The following CFAP47 variants were observed in gnomAD, a reference collection of about 807,000 sequenced individuals.
CFAP47 encodes cilia and flagella associated protein 47, also known as cilia- and flagella-associated protein 47.
Under a neutral mutation model 148.1 loss-of-function variants are expected in CFAP47, and 29 were observed. The observed-to-expected ratio is 0.20, with a 90% confidence interval of 0.15 to 0.27. The LOEUF is 0.27. CFAP47 is among the 10% of genes least tolerant of loss of function. The pLI is 1.00. For synonymous variants in CFAP47, 664 were observed against 577.3 expected (o/e 1.15, Z -2.15); for missense variants, 1,872 against 1,697.5 (o/e 1.10, Z -1.81).
Position 35,928,687 on chromosome X carries a change from T to G in CFAP47, c.401+2519T>G, listed in dbSNP as rs1327132304. ...TTCAATGATGTCCAATTTATCAATT[T>G]TCCTTTAATTAGTACTGCTTTTAGT... is the stretch of plus-strand genomic sequence containing the variant. On this transcript the variant is annotated intron_variant, in intron 2 of 63. Coordinates refer to ENST00000378653, the MANE Select transcript of CFAP47 (RefSeq NM_001304548.2). Among the ~76,000 whole-genome samples the G allele has an allele frequency of 4.5e-5, 5 of 111,379 alleles. No homozygotes were observed. In the Admixed American group the frequency reaches 4.8e-4, roughly 11 times the overall value.
At position 36,306,856 on chromosome X, in the gene CFAP47, A is replaced by T; in HGVS notation, c.8167A>T (p.Ile2723Phe). The T allele has an allele frequency of 1.8e-6, 2 of 1,139,452 alleles. No individual in the cohort carries two copies. Among genetic ancestry groups the T allele is most frequent in the Non-Finnish European group, 2.4e-6 (2 of 849,551 alleles). 93.9% of individuals were successfully genotyped at this position (1,139,452 alleles called of 1,213,427 possible). A position where few individuals can be genotyped will look rare whatever the true frequency, so the allele number is the denominator to read the frequency against. ...TGGAAGAGCTGATCATCAAGCTTGC[A>T]TCAACTTCTACTGTACTCAGGTATG... ...ALGRADHQAC[I>F]NFYCTQFTEW... The change falls in exon 55 of 64, where the codon ATC becomes TTC. Residue 2723 changes from isoleucine (I) to phenylalanine (F), a missense_variant. Coordinates refer to ENST00000378653, the MANE Select transcript of CFAP47 (RefSeq NM_001304548.2).
intron 56 of CFAP47, among the ~76,000 whole-genome samples, chrX:36,312,766 C>T (rs782436956): frequency 2.7e-5 from 3 of 111,712 alleles, no homozygotes; most frequent in African/African-American, 9.7e-5. Context: ...CAGTCTTTTG[C>T]AGTTCAAAAC....
intron 15 of CFAP47, among the ~76,000 whole-genome samples, chrX:35,980,606 T>A (rs945084598): frequency 1.8e-4 from 20 of 111,824 alleles, no homozygotes; most frequent in African/African-American, 4.9e-4. Flanking sequence ...TAATTTATTT[T>A]TTTTTACCCT....
rs144007533 is a variant in CFAP47 at position 36,373,801 on chromosome X, A to G, written c.9186-5549A>G. ...ATGAAATGATGTTAAACTTTACCAA[A>G]TGCTTATTCAGCATCCGTTGGGATG... On this transcript the variant is annotated intron_variant, in intron 62 of 63. Transcript: ENST00000378653. Among the ~76,000 whole-genome samples the G allele has an allele frequency of 1.8e-3, 204 of 112,122 alleles. 1 individual carries two copies. Among genetic ancestry groups the G allele is most frequent in the Non-Finnish European group, 3.1e-3 (167 of 53,120 alleles).
At chrX:36,264,138 C>A (rs1372970322) in intron 49 of CFAP47, among the ~76,000 whole-genome samples, 1 of 111,543 alleles carries the variant, frequency 9.0e-6, no homozygotes, top group Non-Finnish European at 1.9e-5. Flanking sequence ...ATCCAAAATG[C>A]AAGACAAAGT....
At chrX:35,924,828 A>G (rs1473618052) in intron 1 of CFAP47, among the ~76,000 whole-genome samples, 1 of 111,439 alleles carries the variant, frequency 9.0e-6, no homozygotes, top group East Asian at 2.8e-4. Flanking sequence ...TTAGAATCAG[A>G]TAGGTAAAAA....
At chrX:36,131,844 A>G (rs1938953319) in intron 33 of CFAP47, among the ~76,000 whole-genome samples, 1 of 111,212 alleles carries the variant, frequency 9.0e-6, no homozygotes, top group African/African-American at 3.3e-5. Flanking sequence ...TGTCCATGGT[A>G]TGAGGGAAGA....
chrX:36,361,418 T>C lies in CFAP47; in HGVS notation c.8940T>C (p.Tyr2980=). ...AGTTGGAATCCTGTGTAGCTTTATA[T>C]ATGATTGAAAAATCTTATGATATTA... ...KSKLESCVAL[Y]MIEKSYDIMA... The change falls in exon 61 of 64, where the codon TAT becomes TAC. Residue 2980 remains tyrosine, a synonymous_variant. Transcript: ENST00000378653. 9.1e-7 allele frequency: 1 copy of C among 1,097,598 alleles called. No homozygotes were observed. Among genetic ancestry groups the C allele is most frequent in the African/African-American group, 1.8e-5 (1 of 55,075 alleles). The allele number at this position is 1,097,598 out of a possible 1,213,427, so 90.5% of individuals were successfully genotyped here. A position where few individuals can be genotyped will look rare whatever the true frequency, so the allele number is the denominator to read the frequency against.
intron 32 of CFAP47, among the ~76,000 whole-genome samples, chrX:36,102,760 A>G (rs1461369877): frequency 8.9e-6 from 1 of 111,810 alleles, no homozygotes; most frequent in Non-Finnish European, 1.9e-5. Flanking sequence ...ATAAACAGAA[A>G]TTGATGGGGG....
intron 22 of CFAP47, among the ~76,000 whole-genome samples, chrX:36,016,304 C>A (rs769082486): frequency 1.8e-5 from 2 of 110,307 alleles, no homozygotes; most frequent in South Asian, 7.8e-4. Flanking sequence ...CCTCATCCAC[C>A]TACTACCCTT....
At chrX:36,035,626 A>C in intron 23 of CFAP47, 69 bp from the exon 24 acceptor site, 1 of 288,140 alleles carries the variant, frequency 3.5e-6, no homozygotes, top group Non-Finnish European at 6.1e-6. Flanking sequence ...TTGAGATGGT[A>C]ATACAACTAA....
At chrX:35,986,170 A>G (rs1235496099) in intron 15 of CFAP47, among the ~76,000 whole-genome samples, 1 of 110,534 alleles carries the variant, frequency 9.0e-6, no homozygotes, top group Non-Finnish European at 1.9e-5. Flanking sequence ...AGGTTGGGGA[A>G]GTTCTCTTGG....
At chrX:36,159,202 T>A (rs1485451282) in intron 37 of CFAP47, among the ~76,000 whole-genome samples, 1 of 111,628 alleles carries the variant, frequency 9.0e-6, no homozygotes, top group Non-Finnish European at 1.9e-5. Flanking sequence ...GAAAATCCTT[T>A]ATTTGAGAGA....
intron 40 of CFAP47, among the ~76,000 whole-genome samples, chrX:36,180,601 G>C (rs1939739386): frequency 8.9e-6 from 1 of 111,990 alleles, no homozygotes; most frequent in African/African-American, 3.2e-5. Flanking sequence ...ATTAAAATGA[G>C]TATAGTTTTT....
Position 35,953,610 on chromosome X carries a change from A to G in CFAP47, c.1065A>G (p.Lys355=). Reference sequence around the variant, plus strand: ...TTTACAGGCTAATGGCTGTTGGTAAAAAGGATATTGGACCTTCATACAGAC... The same window carrying G: ...TTTACAGGCTAATGGCTGTTGGTAAGAAGGATATTGGACCTTCATACAGAC... ...CFTPKLMAVG[K]KDIGPSYRQD... Residue 355 remains lysine, a synonymous_variant, in exon 7 of 64, where the codon AAA becomes AAG. Coordinates refer to ENST00000378653, the MANE Select transcript of CFAP47 (RefSeq NM_001304548.2). 3 of 1,190,281 alleles carry G rather than the reference A, an allele frequency of 2.5e-6. No individual in the cohort carries two copies. The highest frequency in any genetic ancestry group is 3.4e-6 in the Non-Finnish European group (3 of 884,000).
At chrX:36,233,975 C>T (rs781866905) in intron 46 of CFAP47, among the ~76,000 whole-genome samples, 7 of 111,267 alleles carry the variant, frequency 6.3e-5, no homozygotes, top group Admixed American at 9.5e-5. Flanking sequence ...GAGTTTCTAC[C>T]GAGAGATCCA....
chrX:36,102,822 G>A (rs752107820), intron 32 of CFAP47, among the ~76,000 whole-genome samples: 2 of 112,008 alleles, frequency 1.8e-5, no homozygotes, highest in East Asian at 5.7e-4. Context: ...GATTTGAAAT[G>A]TAGGACTTCT....
intron 2 of CFAP47, among the ~76,000 whole-genome samples, chrX:35,928,771 AT>A (rs1377106521): frequency 9.0e-6 from 1 of 111,254 alleles, no homozygotes; most frequent in East Asian, 2.8e-4. Context: ...ATTTTCTTCT[AT>A]TTTTAACTTT....
chrX:36,131,992 TG>T (rs1346157511), intron 33 of CFAP47, among the ~76,000 whole-genome samples: 1 of 110,666 alleles, frequency 9.0e-6, no homozygotes, highest in Non-Finnish European at 1.9e-5. Context: ...TTGAATTGCA[TG>T]AAATTTGTGT....
Sources: allele counts gnomAD v4.1 joint callset (sites outside exome capture counted in the v4.1 genomes callset), GRCh38; gene constraint gnomAD v4.1.1; transcripts MANE v1.5; gene names NCBI Gene and HGNC (gene_info 2026-07-23, HGNC 2026-07-21).